TMEM178B: variants seen among roughly 807,000 people sequenced by gnomAD.
TMEM178B encodes the protein transmembrane protein 178B.
A neutral mutation model predicts 31.0 loss-of-function variants in TMEM178B; 5 were observed. That is an observed-to-expected ratio of 0.16 (90% confidence interval 0.08 to 0.34). TMEM178B has a LOEUF of 0.34. Among genes scored for constraint, TMEM178B ranks in the 10% least tolerant of loss-of-function variants. The probability of loss-of-function intolerance (pLI) is 1.00; values close to 1 mark genes in which losing one functional copy is unlikely to be tolerated. For synonymous variants in TMEM178B, 164 were observed against 164.0 expected (o/e 1.00, Z 0.00); for missense variants, 275 against 400.3 (o/e 0.69, Z 2.67).
chr7:141,333,936 G>A (rs187032167), intron 2 of TMEM178B, among the ~76,000 whole-genome samples: 46 of 152,324 alleles, frequency 3.0e-4, no homozygotes, highest in Admixed American at 1.0e-3. Flanking sequence ...GAGCTCTGGC[G>A]GTAATGCTCA....
At chr7:141,193,376 C>CT (rs937183498) in intron 1 of TMEM178B, among the ~76,000 whole-genome samples, 5 of 152,238 alleles carry the variant, frequency 3.3e-5, no homozygotes, top group Non-Finnish European at 5.9e-5. Flanking sequence ...AATGCAAAAC[C>CT]TAAGGGACCC....
intron 2 of TMEM178B, among the ~76,000 whole-genome samples, chr7:141,235,929 C>G (rs1797521077): frequency 6.6e-6 from 1 of 152,220 alleles, no homozygotes; most frequent in Non-Finnish European, 1.5e-5. Flanking sequence ...CCAGCTCAGC[C>G]TTCCCAGTCC....
chr7:141,255,881 G>A (rs1365289106), intron 2 of TMEM178B, among the ~76,000 whole-genome samples: 1 of 152,092 alleles, frequency 6.6e-6, no homozygotes, highest in South Asian at 2.1e-4. Flanking sequence ...TAAAGCAAAA[G>A]GTCAGGATGG....
intron 2 of TMEM178B, among the ~76,000 whole-genome samples, chr7:141,386,540 A>G (rs1374975555): frequency 6.6e-6 from 1 of 152,200 alleles, no homozygotes; most frequent in African/African-American, 2.4e-5. Flanking sequence ...TTTGATACAT[A>G]CATGTTGTAT....
chr7:141,188,956 C>T (rs1403722893), intron 1 of TMEM178B, among the ~76,000 whole-genome samples: 3 of 152,240 alleles, frequency 2.0e-5, no homozygotes, highest in Non-Finnish European at 1.5e-5. Flanking sequence ...GGTCCAAGGC[C>T]ACATGGCCTG....
the TMEM178B span, among the ~76,000 whole-genome samples, chr7:141,495,019 A>G: frequency 6.6e-6 from 1 of 152,254 alleles, no homozygotes; most frequent in Non-Finnish European, 1.5e-5. Flanking sequence ...TGAATTTCCC[A>G]TAAGTAAAGT....
At chr7:141,289,230 T>C (rs1331060436) in intron 2 of TMEM178B, among the ~76,000 whole-genome samples, 1 of 152,192 alleles carries the variant, frequency 6.6e-6, no homozygotes, top group Non-Finnish European at 1.5e-5. Flanking sequence ...TCCAAATCAC[T>C]GTCTGGGCTC....
chr7:141,304,040 T>C (rs1798771724), intron 2 of TMEM178B, among the ~76,000 whole-genome samples: 1 of 152,176 alleles, frequency 6.6e-6, no homozygotes, highest in African/African-American at 2.4e-5. Context: ...GGATGTAAAT[T>C]TCCAGATTCT....
At position 141,467,885 on chromosome 7, in the gene TMEM178B, G is replaced by T. The variant is rs140558601; in HGVS notation, c.635-2651G>T. Reference sequence around the variant, plus strand: ...TGAGTATTTTAAAAATCACCTTTCTGCAAGGAAACACCAGCTTACACTCGC... The same window carrying T: ...TGAGTATTTTAAAAATCACCTTTCTTCAAGGAAACACCAGCTTACACTCGC... On this transcript the variant is annotated intron_variant, in intron 3 of 3. Coordinates refer to ENST00000565468, the MANE Select transcript of TMEM178B (RefSeq NM_001195278.2). Among the ~76,000 whole-genome samples the T allele has an allele frequency of 1.1e-4, 16 of 150,400 alleles. No individual in the cohort carries two copies. In the East Asian group the frequency reaches 1.2e-3, roughly 11 times the overall value.
At chr7:141,384,591 C>G (rs1800395757) in intron 2 of TMEM178B, among the ~76,000 whole-genome samples, 1 of 152,140 alleles carries the variant, frequency 6.6e-6, no homozygotes, top group African/African-American at 2.4e-5. Flanking sequence ...GTTTTGGTAC[C>G]AGTACCATGC....
chr7:141,163,113 G>A (rs572863780), intron 1 of TMEM178B, among the ~76,000 whole-genome samples: 1 of 152,336 alleles, frequency 6.6e-6, no homozygotes, highest in Non-Finnish European at 1.5e-5. Context: ...CTGCTGTATG[G>A]TTCTGCTTCT....
intron 2 of TMEM178B, among the ~76,000 whole-genome samples, chr7:141,423,858 G>C (rs1001588330): frequency 2.0e-5 from 3 of 148,336 alleles, no homozygotes; most frequent in Non-Finnish European, 3.0e-5. Context: ...ACCCAGGCTG[G>C]AGTGTAGTGG....
chr7:141,383,134 A>G (rs1800353933), intron 2 of TMEM178B, among the ~76,000 whole-genome samples: 1 of 151,246 alleles, frequency 6.6e-6, no homozygotes, highest in African/African-American at 2.4e-5. Context: ...TGCTTTTAGC[A>G]TTGCTTTTAT....
intron 2 of TMEM178B, among the ~76,000 whole-genome samples, chr7:141,381,359 TAGA>T (rs757457788): frequency 1.3e-5 from 2 of 152,258 alleles, no homozygotes; most frequent in African/African-American, 2.4e-5. Context: ...CCTGTAGTAG[TAGA>T]AGAAGTAATT....
At chr7:141,336,540 G>T (rs903231443) in intron 2 of TMEM178B, among the ~76,000 whole-genome samples, 4 of 152,068 alleles carry the variant, frequency 2.6e-5, no homozygotes, top group African/African-American at 9.7e-5. Flanking sequence ...TGTTTGGGCT[G>T]TTGTGACTTG....
In TMEM178B at chr7:141,381,335, A is replaced by T. The variant is rs556986657; in HGVS notation, c.497-56273A>T. 1.4e-3 allele frequency among the ~76,000 whole-genome samples: 211 copies of T among 152,316 alleles called. 5 individuals carry two copies. In the South Asian group the frequency reaches 0.041, roughly 30 times the overall value. On this transcript the variant is annotated intron_variant, in intron 2 of 3. Coordinates refer to ENST00000565468, the MANE Select transcript of TMEM178B (RefSeq NM_001195278.2). ...TTCTAGTTTTTTATTCATAATAAAG[A>T]TGTAGACTCTTTCCCTGTAGTAGTA...
chr7:141,394,561 C>T (rs1563170246), intron 2 of TMEM178B, among the ~76,000 whole-genome samples: 1 of 152,136 alleles, frequency 6.6e-6, no homozygotes. Flanking sequence ...TATAAAATGC[C>T]TCATCTTCCA....
chr7:141,437,583 C>T, intron 2 of TMEM178B, 25 bp from the exon 3 acceptor site: 1 of 1,535,392 alleles, frequency 6.5e-7, no homozygotes, highest in Non-Finnish European at 8.7e-7. Flanking sequence ...CTGCTGCTGA[C>T]TGTTGCTCGC....
the TMEM178B span, among the ~76,000 whole-genome samples, chr7:141,493,862 G>C: frequency 1.3e-5 from 2 of 152,104 alleles, no homozygotes; most frequent in Non-Finnish European, 2.9e-5. Flanking sequence ...ATTCAGTAGG[G>C]AAAATACTGG....
Sources: allele counts gnomAD v4.1 joint callset (sites outside exome capture counted in the v4.1 genomes callset), GRCh38; gene constraint gnomAD v4.1.1; transcripts MANE v1.5; gene names NCBI Gene and HGNC (gene_info 2026-07-23, HGNC 2026-07-21).